MGA: variants seen among roughly 807,000 people sequenced by gnomAD.
The protein encoded by MGA is MAX gene-associated protein.
MGA carries 40 observed loss-of-function variants against 261.1 expected under a neutral mutation model. The ratio of observed to expected loss-of-function variants is 0.15; its 90% CI spans 0.12 to 0.20. The LOEUF (loss-of-function observed/expected upper bound fraction) is 0.20, where lower values mean the gene tolerates loss of function less well. Among genes scored for constraint, MGA ranks in the 10% least tolerant of loss-of-function variants. MGA has a pLI of 1.00. For missense variants in MGA, 3,397 were observed against 3,630.5 expected (o/e 0.94, Z 1.65); for synonymous variants, 1,302 against 1,290.6 (o/e 1.01, Z -0.19).
At chr15:41,665,699 AT>A (rs1018015155) in intron 1 of MGA, among the ~76,000 whole-genome samples, 35 of 152,146 alleles carry the variant, frequency 2.3e-4, no homozygotes, top group African/African-American at 7.7e-4. Flanking sequence ...TTATTGAGAT[AT>A]AATTCACATA....
chr15:41,676,317 G>T (rs530074096), intron 2 of MGA, among the ~76,000 whole-genome samples: 1 of 152,244 alleles, frequency 6.6e-6, no homozygotes, highest in East Asian at 1.9e-4. Flanking sequence ...CGAGTAGCTG[G>T]GATTTCAGGC....
intron 2 of MGA, among the ~76,000 whole-genome samples, chr15:41,685,760 G>A (rs1415374744): frequency 2.6e-5 from 4 of 152,150 alleles, no homozygotes; most frequent in East Asian, 3.9e-4. Flanking sequence ...TTGGGAGGCC[G>A]AGGCGGGAGG....
intron 1 of MGA, among the ~76,000 whole-genome samples, chr15:41,622,409 A>C (rs1411930030): frequency 1.3e-5 from 2 of 151,988 alleles, no homozygotes; most frequent in Non-Finnish European, 1.5e-5. Flanking sequence ...GCCAAAAAAA[A>C]CCCCACAGCC....
At position 41,725,860 on chromosome 15, in the gene MGA, ATAAAT is replaced by A. The variant is rs1567038062; in HGVS notation, c.3431-1319_3431-1315del. On this transcript the variant is annotated intron_variant, in intron 9 of 23. Transcript: ENST00000219905. ...AAAAAAAAAAAAAAAAAAAAAATAA[ATAAAT>A]AAATAAATAAATAAGTAAACCCAGG... is the stretch of plus-strand genomic sequence containing the variant. Among the ~76,000 whole-genome samples the A allele has an allele frequency of 1.7e-4, 22 of 131,972 alleles. 4 individuals carry two copies. The highest frequency in any genetic ancestry group is 5.1e-4 in the African/African-American group (15 of 29,572). The allele number at this position is 131,972 out of a possible 152,430, so 86.6% of individuals were successfully genotyped here.
intron 2 of MGA, among the ~76,000 whole-genome samples, chr15:41,678,568 A>G (rs2058504075): frequency 3.3e-5 from 5 of 150,944 alleles, no homozygotes; most frequent in Admixed American, 6.6e-5. Flanking sequence ...GTTGGGGACC[A>G]GTGTGGCCAA....
Position 41,711,154 on chromosome 15 carries a change from A to G in MGA, c.2889A>G (p.Ile963Met), listed in dbSNP as rs1177226177. 3.7e-6 allele frequency: 6 copies of G among 1,614,026 alleles called. No individual in the cohort carries two copies. The highest frequency in any genetic ancestry group is 1.7e-5 in the Admixed American group (1 of 60,020). ...TTGTGCCAACTTTGGATGAAAATAT[A>G]TTTCCAAAGCAGATTAGTTTGCGGC... Residue 963 changes from isoleucine (I) to methionine (M), a missense_variant, in exon 8 of 24, where the codon ATA (isoleucine) becomes ATG (methionine). Ile to Met is a conservative substitution (Grantham distance 10, BLOSUM62 1). Coordinates refer to ENST00000219905, the MANE Select transcript of MGA (RefSeq NM_001164273.2).
In MGA at chr15:41,696,712, G is replaced by A. The variant is rs1422434612; in HGVS notation, c.1702G>A (p.Asp568Asn). The A allele has an allele frequency of 3.7e-6, 6 of 1,612,308 alleles. No individual in the cohort carries two copies. The highest frequency in any genetic ancestry group is 1.1e-5 in the South Asian group (1 of 90,726). ...CATTAGCACAGAAAGAATACTCGAC[G>A]ATTCAAAGGATTCAGTTGGAGACTC... is the stretch of plus-strand genomic sequence containing the variant. The change falls in exon 3 of 24, where the codon GAT becomes AAT. Residue 568 changes from aspartate (D) to asparagine (N), a missense_variant. This residue lies in a region of MGA where 563 missense variants were observed against 563.6 expected (regional missense o/e 1.00). Transcript: ENST00000219905.
intron 2 of MGA, among the ~76,000 whole-genome samples, chr15:41,673,219 C>T (rs1419718647): frequency 6.6e-6 from 1 of 150,896 alleles, no homozygotes; most frequent in Non-Finnish European, 1.5e-5. Context: ...TTCTTTCTTT[C>T]TTTTTTTTTC....
intron 1 of MGA, among the ~76,000 whole-genome samples, chr15:41,643,493 A>T (rs1179937537): frequency 2.9e-5 from 4 of 135,936 alleles, no homozygotes. Context: ...GCCTGCCTCG[A>T]CCTCCCAAAG....
intron 7 of MGA, 46 bp downstream of exon 7, chr15:41,708,254 C>G (rs771983850): frequency 7.7e-6 from 10 of 1,297,724 alleles, no homozygotes; most frequent in Non-Finnish European, 1.1e-5. Flanking sequence ...AACATGTAGC[C>G]AGAAACCTTT....
Position 41,740,156 on chromosome 15 carries a change from G to A in MGA, c.4538G>A (p.Arg1513His), listed in dbSNP as rs201349807. 5.8e-5 allele frequency: 93 copies of A among 1,613,806 alleles called. No homozygotes were observed. The highest frequency in any genetic ancestry group is 6.9e-5 in the Non-Finnish European group (82 of 1,179,878). Reference sequence around the variant, plus strand: ...TCCTCCTCTGGCACTGCAACAAATCGCCCTGGGAAGAATCTGAAGGCGTTT... The same window carrying A: ...TCCTCCTCTGGCACTGCAACAAATCACCCTGGGAAGAATCTGAAGGCGTTT... The change falls in exon 14 of 24, where the codon CGC (arginine) becomes CAC (histidine). Residue 1513 changes from arginine (R) to histidine (H), a missense_variant. Physicochemically the swap from Arg to His is conservative, Grantham distance 29. Coordinates refer to ENST00000219905, the MANE Select transcript of MGA (RefSeq NM_001164273.2).
At chr15:41,749,068 G>C in intron 16 of MGA, 43 bp from the exon 17 acceptor site, 1 of 1,574,948 alleles carries the variant, frequency 6.3e-7, no homozygotes, top group Non-Finnish European at 8.6e-7. Flanking sequence ...TCTTGATATG[G>C]GCAGTCATGA....
intron 2 of MGA, among the ~76,000 whole-genome samples, chr15:41,689,156 T>C (rs1285209291): frequency 6.6e-6 from 1 of 152,208 alleles, no homozygotes; most frequent in Non-Finnish European, 1.5e-5. Context: ...AATGAACTGC[T>C]AATGCACTTA....
At chr15:41,743,393 A>G (rs900941189) in intron 15 of MGA, among the ~76,000 whole-genome samples, 1 of 152,274 alleles carries the variant, frequency 6.6e-6, no homozygotes, top group East Asian at 1.9e-4. Flanking sequence ...CTGAAAATAT[A>G]TGCAGTTTTA....
chr15:41,718,987 T>G (rs1411216901), intron 9 of MGA, among the ~76,000 whole-genome samples: 2 of 152,154 alleles, frequency 1.3e-5, no homozygotes, highest in African/African-American at 4.8e-5. Flanking sequence ...TATTCATGGA[T>G]AGGAAAATCC....
chr15:41,729,480 ATT>A (rs1356733441), intron 11 of MGA, 131 bp downstream of exon 11: 4 of 880,610 alleles, frequency 4.5e-6, no homozygotes, highest in Non-Finnish European at 6.8e-6. Context: ...ATAACAGTTT[ATT>A]TCTCTGTGTA....
At chr15:41,715,724 G>C (rs1283807210) in intron 9 of MGA, among the ~76,000 whole-genome samples, 1 of 152,082 alleles carries the variant, frequency 6.6e-6, no homozygotes, top group African/African-American at 2.4e-5. Flanking sequence ...ACCAGTGCCA[G>C]GGTATTCTTA....
chr15:41,711,717 A>T (rs183480988), intron 8 of MGA, among the ~76,000 whole-genome samples: 2 of 152,202 alleles, frequency 1.3e-5, no homozygotes, highest in South Asian at 2.1e-4. Flanking sequence ...ATTTTTTGAG[A>T]TGGAGTCTCG....
At chr15:41,763,092 C>CTTTTTTTTTTTTTTTTTTT (rs71108131) in intron 22 of MGA, among the ~76,000 whole-genome samples, 1 of 63,952 alleles carries the variant, frequency 1.6e-5, no homozygotes, top group South Asian at 7.5e-4. Context: ...TTCTTTCTTC[C>CTTTTTTTTTTTTTTTTTTT]TTTTTTTTTT....
Sources: allele counts gnomAD v4.1 joint callset (sites outside exome capture counted in the v4.1 genomes callset), GRCh38; gene constraint gnomAD v4.1.1; regional missense constraint gnomAD v4.1.1; transcripts MANE v1.5; gene names NCBI Gene and HGNC (gene_info 2026-07-23, HGNC 2026-07-21).